DLGAP4: variants seen among roughly 807,000 people sequenced by gnomAD.
The protein encoded by DLGAP4 is disks large-associated protein 4.
A neutral mutation model predicts 86.9 loss-of-function variants in DLGAP4; 18 were observed. That is an observed-to-expected ratio of 0.21 (90% CI 0.14 to 0.31). DLGAP4 has a LOEUF of 0.31. Among genes scored for constraint, DLGAP4 ranks in the 10% least tolerant of loss-of-function variants. The pLI, the probability that DLGAP4 is intolerant of heterozygous loss-of-function variation, is 1.00. For missense variants in DLGAP4, 1,085 were observed against 1,362.6 expected, an observed-to-expected ratio of 0.80 and a Z score of 3.21; for synonymous variants, 548 against 574.3, an observed-to-expected ratio of 0.95 and a Z score of 0.65.
intron 1 of DLGAP4, among the ~76,000 whole-genome samples, chr20:36,323,983 C>G (rs1186912416): frequency 3.3e-5 from 5 of 152,156 alleles, no homozygotes; most frequent in African/African-American, 1.2e-4. Context: ...AATTGGGGAC[C>G]CATGCTTTAT....
At chr20:36,417,329 T>C (rs2032684502) in intron 2 of DLGAP4, among the ~76,000 whole-genome samples, 1 of 152,098 alleles carries the variant, frequency 6.6e-6, no homozygotes, top group South Asian at 2.1e-4. Flanking sequence ...GAGACTGGCA[T>C]GGCTTTGGTG....
chr20:36,340,523 C>A (rs1366536740), intron 1 of DLGAP4, among the ~76,000 whole-genome samples: 1 of 152,186 alleles, frequency 6.6e-6, no homozygotes, highest in Non-Finnish European at 1.5e-5. Flanking sequence ...CCCAGTGCCC[C>A]CGACACCTAT....
Position 36,426,122 on chromosome 20 carries a change from C to T in DLGAP4, c.-72-5524C>T, listed in dbSNP as rs148631212. Among the ~76,000 whole-genome samples, 19 of 152,278 alleles carry T rather than the reference C, an allele frequency of 1.2e-4. No homozygotes were observed. In the East Asian group the frequency reaches 2.7e-3, roughly 22 times the overall value. ...AACTTAGAAAACAAACATTATGCTA[C>T]GTGAAATAGGTCAGACACAAAATAA... On this transcript the variant is annotated intron_variant, in intron 2 of 12. Transcript: ENST00000339266.
chr20:36,459,809 A>G (rs1388290536), intron 7 of DLGAP4, among the ~76,000 whole-genome samples: 1 of 152,074 alleles, frequency 6.6e-6, no homozygotes, highest in Non-Finnish European at 1.5e-5. Flanking sequence ...ATTTCTCCAT[A>G]TTGGTCAGGC....
At chr20:36,439,913 G>T in intron 5 of DLGAP4, 45 bp downstream of exon 5, 1 of 1,534,706 alleles carries the variant, frequency 6.5e-7, no homozygotes, top group South Asian at 1.1e-5. Flanking sequence ...CTTGGGTACT[G>T]ATTCCCATCT....
chr20:36,428,865 G>A (rs118128724), intron 2 of DLGAP4, among the ~76,000 whole-genome samples: 2 of 152,162 alleles, frequency 1.3e-5, no homozygotes, highest in African/African-American at 4.8e-5. Flanking sequence ...CCACTTTGTT[G>A]CCCAGGCTGG....
rs116436867 is a variant in DLGAP4 at position 36,372,840 on chromosome 20, A to G, written c.-73+5565A>G. Among the ~76,000 whole-genome samples, 456 of 152,286 alleles carry G rather than the reference A, an allele frequency of 3.0e-3. 2 individuals carry two copies. Among genetic ancestry groups the G allele is most frequent in the African/African-American group, 0.011 (442 of 41,558 alleles). On this transcript the variant is annotated intron_variant, in intron 2 of 12. Coordinates refer to ENST00000339266, the MANE Select transcript of DLGAP4 (RefSeq NM_001365621.2). ...TATAGAAACAGTGCTGTAAATCTCTATTTGTTGACATGGAAACTTGTCCAT... is the reference window on the plus strand; with the variant it reads ...TATAGAAACAGTGCTGTAAATCTCTGTTTGTTGACATGGAAACTTGTCCAT...
chr20:36,418,177 G>A (rs1033944578), intron 2 of DLGAP4, among the ~76,000 whole-genome samples: 6 of 150,778 alleles, frequency 4.0e-5, no homozygotes, highest in Non-Finnish European at 3.0e-5. Context: ...ACAATGGCGC[G>A]ATCTTGGCTC....
chr20:36,312,253 T>C (rs1013580815), intron 1 of DLGAP4, among the ~76,000 whole-genome samples: 1 of 152,212 alleles, frequency 6.6e-6, no homozygotes, highest in East Asian at 1.9e-4. Context: ...GGAGTGACCA[T>C]GACCGGCAGT....
chr20:36,527,355 C>T lies in DLGAP4; in HGVS notation c.*324C>T, dbSNP rs948665331. 4.6e-5 allele frequency: 10 copies of T among 217,052 alleles called. No homozygotes were observed. Among genetic ancestry groups the T allele is most frequent in the Non-Finnish European group, 7.4e-5 (8 of 108,212 alleles). The allele number at this position is 217,052 out of a possible 1,614,324, so 13.4% of individuals were successfully genotyped here. On this transcript the variant is annotated 3_prime_UTR_variant, in exon 13 of 13. Coordinates refer to ENST00000339266, the MANE Select transcript of DLGAP4 (RefSeq NM_001365621.2). ...GCCTCCATACTGCGGTCTTTTTACTCGTTCTATCTGATGAGAACTCACACT... is the reference window on the plus strand; with the variant it reads ...GCCTCCATACTGCGGTCTTTTTACTTGTTCTATCTGATGAGAACTCACACT...
At position 36,469,821 on chromosome 20, in the gene DLGAP4, G is replaced by C. The variant is rs1055494510; in HGVS notation, c.1648+22884G>C. On this transcript the variant is annotated intron_variant, in intron 7 of 12. Transcript: ENST00000339266. ...GCTTAATTATTAACAGGGTGAGGAAGGGCATCTCAGCAGAAGGCCATCTGC... is the reference window on the plus strand; with the variant it reads ...GCTTAATTATTAACAGGGTGAGGAACGGCATCTCAGCAGAAGGCCATCTGC... 4.0e-5 allele frequency among the ~76,000 whole-genome samples: 6 copies of C among 151,888 alleles called. No individual in the cohort carries two copies. In the East Asian group the frequency reaches 7.7e-4, roughly 20 times the overall value.
chr20:36,489,659 C>T (rs1329381625), intron 7 of DLGAP4, among the ~76,000 whole-genome samples: 2 of 151,634 alleles, frequency 1.3e-5, no homozygotes, highest in African/African-American at 2.4e-5. Context: ...GACAAGAGGT[C>T]GGAAGGCCAG....
At chr20:36,416,180 G>C (rs2032648069) in intron 2 of DLGAP4, among the ~76,000 whole-genome samples, 1 of 152,178 alleles carries the variant, frequency 6.6e-6, no homozygotes, top group Admixed American at 6.5e-5. Context: ...GGAGTGCAGT[G>C]GCATGATCTT....
chr20:36,424,723 T>C (rs1412055084), intron 2 of DLGAP4, among the ~76,000 whole-genome samples: 1 of 145,718 alleles, frequency 6.9e-6, no homozygotes, highest in East Asian at 2.1e-4. Context: ...TCCTGTTTTT[T>C]TGTTTGTTTT....
intron 4 of DLGAP4, 103 bp from the exon 5 acceptor site, chr20:36,439,651 A>G (rs1360473612): frequency 2.1e-6 from 2 of 949,406 alleles, no homozygotes; most frequent in African/African-American, 3.2e-5. Context: ...TGCAGCGGGC[A>G]TCACAGGTGT....
chr20:36,400,839 G>T (rs1313183993), intron 2 of DLGAP4, among the ~76,000 whole-genome samples: 1 of 152,184 alleles, frequency 6.6e-6, no homozygotes, highest in Non-Finnish European at 1.5e-5. Flanking sequence ...TGTGGCAATG[G>T]CGATGAAAAC....
At chr20:36,365,196 G>T (rs2030642933) in intron 1 of DLGAP4, among the ~76,000 whole-genome samples, 1 of 152,250 alleles carries the variant, frequency 6.6e-6, no homozygotes, top group South Asian at 2.1e-4. Context: ...CGGGCCCCTA[G>T]GCCAGGGCCC....
chr20:36,349,279 G>C lies in DLGAP4; in HGVS notation c.-303-17766G>C, dbSNP rs191090982. The stretch of plus-strand genomic sequence containing the variant: ...TAAAAATAGAAAAAAATAGCCAGGC[G>C]TGGTGGCAGGCGCCTGTAGTCCCAG... On this transcript the variant is annotated intron_variant, in intron 1 of 12. Coordinates refer to ENST00000339266, the MANE Select transcript of DLGAP4 (RefSeq NM_001365621.2). Among the ~76,000 whole-genome samples the C allele has an allele frequency of 2.0e-5, 3 of 151,842 alleles. No homozygotes were observed. In the East Asian group the frequency reaches 5.8e-4, roughly 30 times the overall value.
chr20:36,441,034 C>G (rs540509927), intron 5 of DLGAP4, among the ~76,000 whole-genome samples: 47 of 152,230 alleles, frequency 3.1e-4, no homozygotes, highest in African/African-American at 1.1e-3. Flanking sequence ...CCCTGCCCCC[C>G]TCATCCAGAC....
Sources: allele counts gnomAD v4.1 joint callset (sites outside exome capture counted in the v4.1 genomes callset), GRCh38; gene constraint gnomAD v4.1.1; transcripts MANE v1.5; gene names NCBI Gene and HGNC (gene_info 2026-07-23, HGNC 2026-07-21).